Variants in HOMER1 observed in about 807,000 individuals in gnomAD.
HOMER1 encodes the protein homer scaffold protein 1.
A neutral mutation model predicts 48.9 loss-of-function variants in HOMER1; 3 were observed. The observed-to-expected ratio is 0.06, with a 90% CI of 0.03 to 0.16. The LOEUF is 0.16. Ranked by LOEUF, HOMER1 falls within the 10% of genes least tolerant of loss-of-function variation. The pLI is 1.00. For synonymous variants in HOMER1, 134 were observed against 146.4 expected, an observed-to-expected ratio of 0.92 and a Z score of 0.61; for missense variants, 247 against 411.4, an observed-to-expected ratio of 0.60 and a Z score of 3.46.
intron 1 of HOMER1, among the ~76,000 whole-genome samples, chr5:79,490,781 C>CA (rs201000735): frequency 0.06 from 7,686 of 127,706 alleles, 231 homozygotes; most frequent in Non-Finnish European, 0.07. Flanking sequence ...AAAAAAAAAA[C>CA]AAAAAAAAAA....
chr5:79,507,779 A>T (rs560646368), intron 1 of HOMER1, among the ~76,000 whole-genome samples: 1 of 152,144 alleles, frequency 6.6e-6, no homozygotes, highest in Admixed American at 6.5e-5. Context: ...TTTTCTTCTG[A>T]GATGTTTAAT....
At chr5:79,448,458 T>A (rs1310680408) in intron 3 of HOMER1, among the ~76,000 whole-genome samples, 4 of 152,174 alleles carry the variant, frequency 2.6e-5, no homozygotes, top group Non-Finnish European at 4.4e-5. Flanking sequence ...AGATTTCCCA[T>A]AATAACAAAA....
At position 79,373,894 on chromosome 5, in the gene HOMER1, T is replaced by C. The variant is rs1364748652; in HGVS notation, c.*2115A>G. ...ATATGTATATATTGAATCACACATA[T>C]GTCCCACATTATCAATACAATTCAA... On this transcript the variant is annotated 3_prime_UTR_variant, in exon 9 of 9. Transcript: ENST00000334082. 5.3e-5 allele frequency: 8 copies of C among 152,052 alleles called. No individual in the cohort carries two copies. The allele number at this position is 152,052 out of a possible 1,614,324, so 9.4% of individuals were successfully genotyped here.
intron 8 of HOMER1, among the ~76,000 whole-genome samples, chr5:79,389,930 G>C (rs1438963806): frequency 6.6e-6 from 1 of 152,074 alleles, no homozygotes; most frequent in African/African-American, 2.4e-5. Context: ...AAAAATGAGA[G>C]CATAACAAGC....
At chr5:79,483,959 T>C (rs1035711176) in intron 1 of HOMER1, among the ~76,000 whole-genome samples, 9 of 143,324 alleles carry the variant, frequency 6.3e-5, no homozygotes, top group African/African-American at 2.1e-4. Context: ...AGCAGGAGAG[T>C]TGCTTGAACC....
intron 5 of HOMER1, among the ~76,000 whole-genome samples, chr5:79,423,554 G>A (rs1365930768): frequency 6.6e-6 from 1 of 152,018 alleles, no homozygotes; most frequent in Non-Finnish European, 1.5e-5. Context: ...TTTTTCTAAT[G>A]TTCTATTTAA....
At chr5:79,500,044 G>A (rs1156803443) in intron 1 of HOMER1, among the ~76,000 whole-genome samples, 1 of 152,198 alleles carries the variant, frequency 6.6e-6, no homozygotes, top group East Asian at 1.9e-4. Flanking sequence ...ATGTGCTGCA[G>A]ATTGAGGTCT....
intron 2 of HOMER1, among the ~76,000 whole-genome samples, chr5:79,456,190 G>C (rs759970531): frequency 6.6e-6 from 1 of 151,458 alleles, no homozygotes; most frequent in Admixed American, 6.6e-5. Flanking sequence ...TCTTCTGAAG[G>C]GCACACTGTC....
intron 5 of HOMER1, among the ~76,000 whole-genome samples, chr5:79,415,528 A>G (rs1169115095): frequency 2.0e-5 from 3 of 152,218 alleles, no homozygotes; most frequent in Admixed American, 6.5e-5. Flanking sequence ...TTACATGTGT[A>G]CAAAAGAGGC....
chr5:79,418,539 C>G (rs1750006296), intron 5 of HOMER1, among the ~76,000 whole-genome samples: 1 of 152,196 alleles, frequency 6.6e-6, no homozygotes, highest in South Asian at 2.1e-4. Context: ...GAGCATATTA[C>G]TCACAAAAAC....
chr5:79,397,686 G>C (rs1285937865), intron 6 of HOMER1, 49 bp from the exon 7 acceptor site: 1 of 1,101,598 alleles, frequency 9.1e-7, no homozygotes, highest in Non-Finnish European at 1.4e-6. Context: ...ACTTTAAAGA[G>C]TTTCTTGCTA....
intron 1 of HOMER1, among the ~76,000 whole-genome samples, chr5:79,509,399 A>G (rs1752871018): frequency 6.6e-6 from 1 of 151,302 alleles, no homozygotes; most frequent in African/African-American, 2.4e-5. Context: ...GTTTCATGAA[A>G]TAAGTGGTTG....
intron 5 of HOMER1, among the ~76,000 whole-genome samples, chr5:79,418,269 A>G (rs751603121): frequency 6.6e-6 from 1 of 152,248 alleles, no homozygotes; most frequent in Non-Finnish European, 1.5e-5. Flanking sequence ...CCCAGAATCA[A>G]TAATAGCTTA....
intron 3 of HOMER1, 57 bp downstream of exon 3, chr5:79,450,933 T>C (rs1038020054): frequency 7.8e-6 from 12 of 1,532,168 alleles, no homozygotes; most frequent in Non-Finnish European, 9.9e-6. Context: ...TATTATATAT[T>C]TAAGATATAC....
intron 1 of HOMER1, among the ~76,000 whole-genome samples, chr5:79,512,339 T>G (rs1752966033): frequency 6.6e-6 from 1 of 152,204 alleles, no homozygotes; most frequent in Non-Finnish European, 1.5e-5. Context: ...TGGATCACTT[T>G]CAAGGACTGT....
Position 79,512,784 on chromosome 5 carries a change from T to A in HOMER1, c.-10A>T, listed in dbSNP as rs1303400071. 2 of 1,613,644 alleles carry A rather than the reference T, an allele frequency of 1.2e-6. No individual in the cohort carries two copies. Among genetic ancestry groups the A allele is most frequent in the Middle Eastern group, 1.6e-4 (1 of 6,062 alleles). ...AAAATCCTTACCCCATTTTGCCCAA[T>A]GAAAACTTGCTCTGAAGTTTCAGCT... is the stretch of plus-strand genomic sequence containing the variant. On this transcript the variant is annotated 5_prime_UTR_variant, in exon 1 of 9. Transcript: ENST00000334082.
Position 79,406,344 on chromosome 5 carries a change from C to T in HOMER1, c.528-4289G>A, listed in dbSNP as rs146992074. On this transcript the variant is annotated intron_variant, in intron 5 of 8. Coordinates refer to ENST00000334082, the MANE Select transcript of HOMER1 (RefSeq NM_004272.5). ...GTAAGTGTAATCATTTTATTTTCTACCTGTATCAAGAAGATAACTTCACAA... is the reference window on the plus strand; with the variant it reads ...GTAAGTGTAATCATTTTATTTTCTATCTGTATCAAGAAGATAACTTCACAA... Among the ~76,000 whole-genome samples the T allele has an allele frequency of 4.9e-4, 75 of 152,254 alleles. No homozygotes were observed. In the South Asian group the frequency reaches 5.4e-3, roughly 11 times the overall value.
chr5:79,484,274 A>G (rs1255357627), intron 1 of HOMER1, among the ~76,000 whole-genome samples: 1 of 152,120 alleles, frequency 6.6e-6, no homozygotes, highest in East Asian at 1.9e-4. Context: ...GAGATGAAAT[A>G]AATCATAAAA....
intron 8 of HOMER1, among the ~76,000 whole-genome samples, chr5:79,386,898 T>A (rs1749123406): frequency 1.3e-5 from 2 of 151,834 alleles, no homozygotes; most frequent in Non-Finnish European, 2.9e-5. Context: ...CCAGATCAGC[T>A]TAATTTCCTT....
Sources: allele counts gnomAD v4.1 joint callset (sites outside exome capture counted in the v4.1 genomes callset), GRCh38; gene constraint gnomAD v4.1.1; transcripts MANE v1.5; gene names NCBI Gene and HGNC (gene_info 2026-07-23, HGNC 2026-07-21).